XG: variants seen among roughly 807,000 people sequenced by gnomAD.
The protein encoded by XG is Xg glycoprotein (Xg blood group), also known as glycoprotein Xg.
In XG, 24 loss-of-function variants were observed where a neutral mutation model predicts 25.7. The observed-to-expected ratio is 0.93, with a 90% CI of 0.68 to 1.31. The LOEUF is 1.31. Ranked by LOEUF, XG falls within the 40% of genes most tolerant of loss-of-function variation. The pLI, the probability that XG is intolerant of heterozygous loss-of-function variation, is 0.00. For synonymous variants in XG, 77 were observed against 69.2 expected, an observed-to-expected ratio of 1.11 and a Z score of -0.56; for missense variants, 181 against 187.6, an observed-to-expected ratio of 0.96 and a Z score of 0.21.
intron 7 of XG, 43 bp downstream of exon 7, chrX:2,797,403 A>C: frequency 8.4e-6 from 7 of 838,086 alleles, no homozygotes; most frequent in South Asian, 2.0e-5. Flanking sequence ...GGAGGGTGGG[A>C]GGGGTCATCT....
At chrX:2,769,136 G>A (rs1337358411) in intron 1 of XG, among the ~76,000 whole-genome samples, 3 of 152,232 alleles carry the variant, frequency 2.0e-5, no homozygotes, top group Non-Finnish European at 4.4e-5. Flanking sequence ...GAGCGGCAAA[G>A]CCTGCCCGGG....
At chrX:2,801,797 C>T (rs1479413715) in intron 7 of XG, among the ~76,000 whole-genome samples, 2 of 111,054 alleles carry the variant, frequency 1.8e-5, no homozygotes, top group Non-Finnish European at 3.8e-5. Flanking sequence ...CAAGCTCCGC[C>T]TCCCGGGTTC....
At chrX:2,753,036 A>G in intron 1 of XG, 1 of 935,110 alleles carries the variant, frequency 1.1e-6, no homozygotes, top group South Asian at 4.9e-5. Flanking sequence ...TGGCGATTTC[A>G]GAGAAGGGAA....
chrX:2,797,189 G>A (rs1018574924), intron 6 of XG, 121 bp from the exon 7 acceptor site: 1 of 712,813 alleles, frequency 1.4e-6, no homozygotes, highest in African/African-American at 2.1e-5. Flanking sequence ...GAGCTCTCTT[G>A]GCAGTGACAC....
chrX:2,784,561 C>T (rs1220547665), intron 4 of XG, among the ~76,000 whole-genome samples: 2 of 93,538 alleles, frequency 2.1e-5, no homozygotes, highest in African/African-American at 9.0e-5. Context: ...CAGAGCGAGA[C>T]TCCGTCTCAA....
At position 2,752,339 on chromosome X, in the gene XG, A is replaced by G. The variant is rs2050349549; in HGVS notation, c.61+4A>G. On this transcript the variant is annotated splice_donor_region_variant and intron_variant, in intron 1 of 10. Coordinates refer to ENST00000644266, the MANE Select transcript of XG (RefSeq NM_001141919.2). The stretch of plus-strand genomic sequence containing the variant: ...TGTTTTCTAATGCACGCCCGAGGTA[A>G]GAGGCATTTTGCTTTGAGGGAGATC... The G allele has an allele frequency of 6.2e-7, 1 of 1,612,956 alleles. No homozygotes were observed. Among genetic ancestry groups the G allele is most frequent in the Admixed American group, 1.7e-5 (1 of 59,980 alleles).
rs746354071 is a variant in XG at position 2,782,125 on chromosome X, G to A, written c.187G>A (p.Gly63Arg). The change falls in exon 4 of 11, where the codon GGA becomes AGA. Residue 63 changes from glycine to arginine, a missense_variant. Physicochemically the swap from Gly to Arg is moderately radical, Grantham distance 125. Coordinates refer to ENST00000644266, the MANE Select transcript of XG (RefSeq NM_001141919.2). ...ACAGCCCGAGAATCCCGACAGCGGT[G>A]GAAGTAAGAATCCGCAGGCCTGAAA... is the stretch of plus-strand genomic sequence containing the variant. ...YPQPENPDSGGNIYPRPKPRP... is the reference protein window; with the variant it reads ...YPQPENPDSGRNIYPRPKPRP... 8 of 1,211,717 alleles carry A rather than the reference G, an allele frequency of 6.6e-6. No individual in the cohort carries two copies. In the Admixed American group the frequency reaches 1.7e-4, roughly 26 times the overall value.
chrX:2,768,897 G>A (rs1346709077), intron 1 of XG, among the ~76,000 whole-genome samples: 1 of 152,242 alleles, frequency 6.6e-6, no homozygotes, highest in African/African-American at 2.4e-5. Flanking sequence ...AACGTCATCT[G>A]AGAGGGACGT....
At chrX:2,794,416 G>A in intron 5 of XG, 119 bp from the exon 6 acceptor site, 3 of 780,462 alleles carry the variant, frequency 3.8e-6, no homozygotes, top group Non-Finnish European at 5.4e-6. Context: ...CCTGCAAAGA[G>A]CCAGTTGGCG....
intron 1 of XG, among the ~76,000 whole-genome samples, chrX:2,768,012 G>A (rs2050737594): frequency 6.6e-6 from 1 of 152,158 alleles, no homozygotes. Flanking sequence ...GCATCTCAAA[G>A]CTGAAGGAGC....
chrX:2,772,601 G>C (rs1268637712), intron 2 of XG, among the ~76,000 whole-genome samples: 3 of 152,116 alleles, frequency 2.0e-5, no homozygotes, highest in Non-Finnish European at 4.4e-5. Flanking sequence ...TCTCCTTTTG[G>C]GGGGATGAAA....
At chrX:2,769,181 G>A (rs764480485) in intron 1 of XG, among the ~76,000 whole-genome samples, 2 of 152,368 alleles carry the variant, frequency 1.3e-5, no homozygotes, top group South Asian at 2.1e-4. Flanking sequence ...CAGCCTATAC[G>A]AATCTATGTT....
Position 2,797,302 on chromosome X carries a change from T to C in XG, c.323-8T>C. The C allele has an allele frequency of 8.3e-7, 1 of 1,210,801 alleles. No homozygotes were observed. The highest frequency in any genetic ancestry group is 1.1e-6 in the Non-Finnish European group (1 of 895,049). On this transcript the variant is annotated splice_polypyrimidine_tract_variant and splice_region_variant and intron_variant, in intron 6 of 10. Transcript: ENST00000644266. ...ACATCCCTCAACTCTACCTTCTCTG[T>C]CTAACAGGAGGTGGCGGCGGTGGCT...
intron 9 of XG, among the ~76,000 whole-genome samples, chrX:2,810,879 G>A (rs1428148077): frequency 1.8e-5 from 2 of 111,042 alleles, no homozygotes; most frequent in African/African-American, 6.6e-5. Context: ...TCACGCCACT[G>A]TATTCCAGAC....
intron 7 of XG, among the ~76,000 whole-genome samples, chrX:2,800,298 C>T (rs758178682): frequency 1.6e-4 from 18 of 110,960 alleles, no homozygotes; most frequent in African/African-American, 5.9e-4. Flanking sequence ...CTTTTCAGAC[C>T]TGTAAAGGTG....
chrX:2,761,097 G>A (rs772082019), intron 1 of XG, among the ~76,000 whole-genome samples: 19 of 152,252 alleles, frequency 1.2e-4, no homozygotes, highest in South Asian at 4.2e-4. Flanking sequence ...TGAATTGTGC[G>A]TCTCCAAAAT....
At chrX:2,778,773 T>C (rs1291791096) in intron 3 of XG, among the ~76,000 whole-genome samples, 2 of 150,126 alleles carry the variant, frequency 1.3e-5, no homozygotes, top group African/African-American at 4.9e-5. Flanking sequence ...CCTCATGCGA[T>C]ACTTTTTTTT....
Position 2,783,976 on chromosome X carries a change from AAAACC to A in XG, c.190+1873_190+1877del, listed in dbSNP as rs200988138. Among the ~76,000 whole-genome samples, 144 of 110,878 alleles carry A rather than the reference AAAACC, an allele frequency of 1.3e-3. No individual in the cohort carries two copies. The East Asian group carries it at 0.016, about 12-fold the overall frequency. On this transcript the variant is annotated intron_variant, in intron 4 of 10. Coordinates refer to ENST00000644266, the MANE Select transcript of XG (RefSeq NM_001141919.2). ...GGAACAGAATGAGATTCTGTCTCGA[AAAACC>A]AAACCAAACCAAACCAAACCAAACA...
At chrX:2,799,193 C>T (rs5939327) in intron 7 of XG, among the ~76,000 whole-genome samples, 54,350 of 109,581 alleles carry the variant, frequency 0.5, 11,527 homozygotes, top group Admixed American at 0.7. Context: ...ATCACCCAGG[C>T]AATAAGCATA....
Sources: allele counts gnomAD v4.1 joint callset (sites outside exome capture counted in the v4.1 genomes callset), GRCh38; gene constraint gnomAD v4.1.1; transcripts MANE v1.5; gene names NCBI Gene and HGNC (gene_info 2026-07-23, HGNC 2026-07-21).